The following MSTO1 variants were observed in gnomAD, a reference collection of about 807,000 sequenced individuals.
MSTO1 encodes the protein misato mitochondrial distribution and morphology regulator 1, also known as protein misato homolog 1.
A neutral mutation model predicts 55.7 loss-of-function variants in MSTO1; 24 were observed. The observed-to-expected ratio is 0.43, with a 90% CI of 0.31 to 0.61. The LOEUF (loss-of-function observed/expected upper bound fraction) is 0.61. Among genes scored for constraint, MSTO1 ranks in the 20% least tolerant of loss-of-function variants. The pLI is 0.09. For synonymous variants in MSTO1, 162 were observed against 252.8 expected, an observed-to-expected ratio of 0.64 and a Z score of 3.41; for missense variants, 363 against 625.7, an observed-to-expected ratio of 0.58 and a Z score of 4.48.
intron 13 of MSTO1, 38 bp from the exon 14 acceptor site, chr1:155,614,021 C>T (rs2148998967): frequency 6.2e-7 from 1 of 1,604,630 alleles, no homozygotes; most frequent in East Asian, 2.2e-5. Flanking sequence ...GCAGAATAAT[C>T]ATCCATCTAC....
At chr1:155,579,644 C>T in the MSTO1 span, among the ~76,000 whole-genome samples, 1 of 152,134 alleles carries the variant, frequency 6.6e-6, no homozygotes, top group Non-Finnish European at 1.5e-5. Context: ...AGCATAATAA[C>T]GTGTACCTGA....
At chr1:155,591,291 G>C in the MSTO1 span, 1 of 1,512,920 alleles carries the variant, frequency 6.6e-7, no homozygotes, top group Non-Finnish European at 9.0e-7. Context: ...GCACTGCGAA[G>C]GAGATATGCG....
chr1:155,611,489 A>G (rs764450880), intron 4 of MSTO1, 60 bp from the exon 5 acceptor site: 1 of 1,613,748 alleles, frequency 6.2e-7, no homozygotes, highest in Non-Finnish European at 8.5e-7. Flanking sequence ...AAGGAGGACG[A>G]AGCAACCTTT....
the MSTO1 span, among the ~76,000 whole-genome samples, chr1:155,568,196 C>T: frequency 1.3e-5 from 2 of 150,562 alleles, no homozygotes; most frequent in African/African-American, 2.4e-5. Flanking sequence ...TCTCCTGCCT[C>T]ATCCTCCCAA....
At chr1:155,579,358 C>G in the MSTO1 span, among the ~76,000 whole-genome samples, 3 of 151,546 alleles carry the variant, frequency 2.0e-5, no homozygotes, top group Admixed American at 6.6e-5. Context: ...AACAAAAAAC[C>G]CAAGAGGAAG....
At chr1:155,598,839 C>A in the MSTO1 span, 1 of 1,400,014 alleles carries the variant, frequency 7.1e-7, no homozygotes, top group African/African-American at 1.4e-5. Flanking sequence ...AGAAGGGAAC[C>A]GGAAAAACAC....
chr1:155,589,425 G>C, the MSTO1 span, among the ~76,000 whole-genome samples: 1 of 151,966 alleles, frequency 6.6e-6, no homozygotes, highest in African/African-American at 2.4e-5. Flanking sequence ...GTATTAGTCA[G>C]GGTTCTCTAC....
At chr1:155,585,825 C>T in the MSTO1 span, among the ~76,000 whole-genome samples, 1 of 152,172 alleles carries the variant, frequency 6.6e-6, no homozygotes, top group Admixed American at 6.6e-5. Flanking sequence ...TTCCTTTCTC[C>T]CTAAGAGTAA....
chr1:155,593,203 C>T, the MSTO1 span, among the ~76,000 whole-genome samples: 4 of 152,152 alleles, frequency 2.6e-5, no homozygotes, highest in African/African-American at 9.7e-5. Context: ...CGTGAGCCAC[C>T]GCACCTGGCC....
At chr1:155,600,336 G>A in the MSTO1 span, among the ~76,000 whole-genome samples, 3 of 152,198 alleles carry the variant, frequency 2.0e-5, no homozygotes, top group Non-Finnish European at 4.4e-5. Flanking sequence ...TTAACCCTGA[G>A]TTGACTCAGC....
rs781441085 is a variant in MSTO1, at chr1:155,613,240, G to A, written c.1283+7G>A. The A allele has an allele frequency of 6.2e-7, 1 of 1,612,110 alleles. No individual in the cohort carries two copies. The highest frequency in any genetic ancestry group is 8.5e-7 in the Non-Finnish European group (1 of 1,178,600). ...ACAGAGCATGCCACACAAGGTGAGA[G>A]CTGTTGGTCCTTAGGAGTCCTTGTC... On this transcript the variant is annotated splice_region_variant and intron_variant, in intron 11 of 13. Transcript: ENST00000245564.
At chr1:155,568,084 A>ATTTTT in the MSTO1 span, among the ~76,000 whole-genome samples, 1,908 of 148,536 alleles carry the variant, frequency 0.013, 50 homozygotes, top group African/African-American at 0.047. Flanking sequence ...ATTTTATTTT[A>ATTTTT]TTTTATTTTT....
At chr1:155,584,910 TTTTTG>T in the MSTO1 span, among the ~76,000 whole-genome samples, 16 of 144,202 alleles carry the variant, frequency 1.1e-4, no homozygotes, top group East Asian at 4.7e-3. Context: ...CAGGTTTTTT[TTTTTG>T]TTTTGTTTGT....
At chr1:155,576,917 A>G in the MSTO1 span, among the ~76,000 whole-genome samples, 1 of 135,168 alleles carries the variant, frequency 7.4e-6, no homozygotes, top group Non-Finnish European at 1.6e-5. Flanking sequence ...CGGGAGACTG[A>G]GGCAGGAGAA....
the MSTO1 span, among the ~76,000 whole-genome samples, chr1:155,579,260 C>T: frequency 6.6e-6 from 1 of 151,830 alleles, no homozygotes; most frequent in Non-Finnish European, 1.5e-5. Flanking sequence ...TTGTGGTGAG[C>T]CGAGATCAAG....
rs1476973552 is a variant in MSTO1, at chr1:155,611,299, C to T, written c.366+8C>T. 6.2e-7 allele frequency: 1 copy of T among 1,613,648 alleles called. No homozygotes were observed. Among genetic ancestry groups the T allele is most frequent in the Non-Finnish European group, 8.5e-7 (1 of 1,179,790 alleles). On this transcript the variant is annotated splice_region_variant and intron_variant, in intron 4 of 13. Transcript: ENST00000245564. ...GACTTTCTGAGTGCAGAGGTGAGGGCCTCTGTCCTGAACTTTTTAACCCGG... is the reference window on the plus strand; with the variant it reads ...GACTTTCTGAGTGCAGAGGTGAGGGTCTCTGTCCTGAACTTTTTAACCCGG...
chr1:155,590,899 C>G, the MSTO1 span: 4 of 1,612,720 alleles, frequency 2.5e-6, no homozygotes, highest in Admixed American at 3.3e-5. Context: ...AAAGACAATC[C>G]CAGAGGTGAG....
chr1:155,584,862 T>A, the MSTO1 span, among the ~76,000 whole-genome samples: 24 of 151,662 alleles, frequency 1.6e-4, no homozygotes, highest in Admixed American at 3.9e-4. Context: ...CGCCTCAGCC[T>A]CCTATGTGGC....
chr1:155,563,584 A>T, the MSTO1 span: 2 of 456,260 alleles, frequency 4.4e-6, no homozygotes, highest in Non-Finnish European at 8.8e-6. Context: ...CCCTTGACGC[A>T]CTTACTCATG....
Sources: gnomAD v4.1 joint callset for allele counts (sites outside exome capture counted in the v4.1 genomes callset) on GRCh38, gnomAD v4.1.1 for gene constraint, MANE v1.5 for transcripts, NCBI Gene and HGNC (gene_info 2026-07-23, HGNC 2026-07-21) for gene names.